SYT9: variants seen among roughly 807,000 people sequenced by gnomAD.
SYT9 encodes the protein synaptotagmin 9.
SYT9 carries 22 observed loss-of-function variants against 48.4 expected under a neutral mutation model. The ratio of observed to expected loss-of-function variants is 0.45; its 90% CI spans 0.32 to 0.65. The LOEUF (loss-of-function observed/expected upper bound fraction) is 0.65. Ranked by LOEUF, SYT9 falls within the 30% of genes least tolerant of loss-of-function variation. The probability of loss-of-function intolerance (pLI) is 0.03; values close to 1 mark genes in which losing one functional copy is unlikely to be tolerated. For missense variants in SYT9, 577 were observed against 622.0 expected, an observed-to-expected ratio of 0.93 and a Z score of 0.77; for synonymous variants, 265 against 245.0, an observed-to-expected ratio of 1.08 and a Z score of -0.76.
chr11:7,260,547 T>C (rs934825448), intron 1 of SYT9, among the ~76,000 whole-genome samples: 10 of 152,204 alleles, frequency 6.6e-5, no homozygotes, highest in African/African-American at 2.4e-4. Context: ...ACTGGAGCAC[T>C]CTGACACAGA....
At chr11:7,249,453 G>A (rs1847832204), upstream of SYT9, among the ~76,000 whole-genome samples, 2 of 152,108 alleles carry the variant, frequency 1.3e-5, no homozygotes, top group African/African-American at 2.4e-5. Context: ...GGAATTGGAG[G>A]GATAGCTATG....
chr11:7,443,439 T>C (rs1178942173), intron 6 of SYT9, among the ~76,000 whole-genome samples: 2 of 151,672 alleles, frequency 1.3e-5, no homozygotes, highest in Non-Finnish European at 2.9e-5. Context: ...TTTTAGGGGG[T>C]AGAAGGAGTG....
intron 1 of SYT9, among the ~76,000 whole-genome samples, chr11:7,281,924 G>A (rs879085216): frequency 6.6e-6 from 1 of 152,160 alleles, no homozygotes; most frequent in African/African-American, 2.4e-5. Context: ...TCCCACTGTA[G>A]GTACCTGGGC....
intron 3 of SYT9, among the ~76,000 whole-genome samples, chr11:7,315,118 TATC>T (rs1329795994): frequency 1.3e-5 from 2 of 152,214 alleles, no homozygotes. Context: ...TGCTGGCCTT[TATC>T]ATAATCATGA....
intron 1 of SYT9, among the ~76,000 whole-genome samples, chr11:7,253,772 A>G (rs953087468): frequency 6.6e-6 from 1 of 152,198 alleles, no homozygotes; most frequent in Non-Finnish European, 1.5e-5. Flanking sequence ...GATGTGCTGA[A>G]TAAACCACAG....
At chr11:7,275,330 A>G (rs1213322381) in intron 1 of SYT9, among the ~76,000 whole-genome samples, 6 of 151,814 alleles carry the variant, frequency 4.0e-5, no homozygotes, top group African/African-American at 1.2e-4. Flanking sequence ...TCCCACACCC[A>G]CCACTTCTCT....
At chr11:7,255,033 G>A (rs7942868) in intron 1 of SYT9, among the ~76,000 whole-genome samples, 79,494 of 151,614 alleles carry the variant, frequency 0.52, 20,967 homozygotes, top group Admixed American at 0.56. Flanking sequence ...CTAAGTCACA[G>A]TTGGAACTGA....
chr11:7,425,252 G>A (rs527894779), intron 6 of SYT9, among the ~76,000 whole-genome samples: 12 of 152,326 alleles, frequency 7.9e-5, no homozygotes, highest in Non-Finnish European at 1.6e-4. Flanking sequence ...TTTGGGAGTA[G>A]ACTTCTTGAG....
At chr11:7,389,909 AATG>A (rs1309969583) in intron 3 of SYT9, among the ~76,000 whole-genome samples, 2 of 152,162 alleles carry the variant, frequency 1.3e-5, no homozygotes, top group South Asian at 2.1e-4. Flanking sequence ...TGTGATGTAA[AATG>A]ATTCTGAAAT....
chr11:7,269,513 T>G (rs1470761049), intron 1 of SYT9, among the ~76,000 whole-genome samples: 3 of 152,104 alleles, frequency 2.0e-5, no homozygotes, highest in African/African-American at 7.2e-5. Context: ...GTCTTAAGAT[T>G]CAGGTTCTTT....
At chr11:7,286,312 G>C (rs991643937) in intron 1 of SYT9, among the ~76,000 whole-genome samples, 2 of 152,250 alleles carry the variant, frequency 1.3e-5, no homozygotes, top group African/African-American at 4.8e-5. Context: ...GGCACCCTCT[G>C]AAGCAATGTC....
At chr11:7,360,828 T>C (rs1368447944) in intron 3 of SYT9, among the ~76,000 whole-genome samples, 1 of 152,194 alleles carries the variant, frequency 6.6e-6, no homozygotes, top group African/African-American at 2.4e-5. Context: ...TCCTTGAAGA[T>C]TATCTTAGAG....
At chr11:7,239,739 AC>A (rs982345509) in intron 1 of SYT9, among the ~76,000 whole-genome samples, 1 of 152,174 alleles carries the variant, frequency 6.6e-6, no homozygotes, top group Admixed American at 6.5e-5. Flanking sequence ...CCTAAAAGCA[AC>A]AAGATTTGCT....
At chr11:7,274,069 A>C (rs1564843527) in intron 1 of SYT9, among the ~76,000 whole-genome samples, 2 of 152,212 alleles carry the variant, frequency 1.3e-5, no homozygotes, top group Non-Finnish European at 2.9e-5. Flanking sequence ...AAGTAAAACA[A>C]ACAAAAAATG....
intron 1 of SYT9, among the ~76,000 whole-genome samples, chr11:7,274,134 A>G (rs1020610499): frequency 6.6e-6 from 1 of 152,186 alleles, no homozygotes; most frequent in Non-Finnish European, 1.5e-5. Context: ...AAGTCTTGTG[A>G]CAAGTTTATT....
In SYT9 at chr11:7,313,744, C is replaced by T; in HGVS notation, c.847C>T (p.Pro283Ser). 1 of 1,614,088 alleles carries T rather than the reference C, an allele frequency of 6.2e-7. No individual in the cohort carries two copies. Among genetic ancestry groups the T allele is most frequent in the Non-Finnish European group, 8.5e-7 (1 of 1,180,010 alleles). ...QTKVHRKTLN[P>S]VFDEVFLFPV... is the part of the protein sequence containing the mutation. ...TAAAGTTCACAGAAAGACCCTGAAC[C>T]CTGTGTTTGATGAAGTGTTTTTATT... is the stretch of plus-strand genomic sequence containing the variant. The change falls in exon 3 of 7, where the codon CCT (proline) becomes TCT (serine). Residue 283 changes from proline (P) to serine (S), a missense_variant. Pro to Ser is a moderately conservative substitution (Grantham distance 74). Coordinates refer to ENST00000318881, the MANE Select transcript of SYT9 (RefSeq NM_175733.4).
At chr11:7,352,397 A>G (rs1245292119) in intron 3 of SYT9, among the ~76,000 whole-genome samples, 1 of 152,184 alleles carries the variant, frequency 6.6e-6, no homozygotes, top group East Asian at 1.9e-4. Context: ...TATGTAGACT[A>G]GTCAGAAAGT....
Position 7,467,018 on chromosome 11 carries a change from G to C in SYT9, c.*218G>C. 1.8e-6 allele frequency: 1 copy of C among 568,534 alleles called. No homozygotes were observed. 35.2% of individuals were successfully genotyped at this position (568,534 alleles called of 1,614,324 possible). A position where few individuals can be genotyped will look rare whatever the true frequency, so the allele number is the denominator to read the frequency against. On this transcript the variant is annotated 3_prime_UTR_variant, in exon 7 of 7. Coordinates refer to ENST00000318881, the MANE Select transcript of SYT9 (RefSeq NM_175733.4). Reference sequence around the variant, plus strand: ...GGTGGCCCAAGGTGATGTGCTGCAGGGAAGCATGTCTCTCATGCCAAGAAC... The same window carrying C: ...GGTGGCCCAAGGTGATGTGCTGCAGCGAAGCATGTCTCTCATGCCAAGAAC...
chr11:7,371,591 A>G (rs1447073704), intron 3 of SYT9, among the ~76,000 whole-genome samples: 2 of 152,164 alleles, frequency 1.3e-5, no homozygotes, highest in African/African-American at 4.8e-5. Context: ...ATTTGCGTTC[A>G]CACATATAAC....
Sources: gnomAD v4.1 joint callset for allele counts (sites outside exome capture counted in the v4.1 genomes callset) on GRCh38, gnomAD v4.1.1 for gene constraint, MANE v1.5 for transcripts, NCBI Gene and HGNC (gene_info 2026-07-23, HGNC 2026-07-21) for gene names.